SKIC3: variants seen among roughly 807,000 people sequenced by gnomAD.
The protein encoded by SKIC3 is superkiller complex protein 3.
the SKIC3 span, among the ~76,000 whole-genome samples, chr5:95,488,331 T>A: frequency 6.6e-6 from 1 of 152,160 alleles, no homozygotes; most frequent in African/African-American, 2.4e-5. Context: ...TGAGGAGGCT[T>A]AGAGATGCAC....
At chr5:95,553,963 T>C in the SKIC3 span, among the ~76,000 whole-genome samples, 7 of 152,218 alleles carry the variant, frequency 4.6e-5, no homozygotes, top group African/African-American at 1.4e-4. Context: ...ATTTAGTGAG[T>C]TACGGCACAG....
chr5:95,519,582 C>A, the SKIC3 span, among the ~76,000 whole-genome samples: 4 of 151,752 alleles, frequency 2.6e-5, no homozygotes, highest in South Asian at 6.3e-4. Flanking sequence ...GTGAAACAGG[C>A]GATTTTAAGA....
chr5:95,539,095 C>T, the SKIC3 span, among the ~76,000 whole-genome samples: 3 of 152,134 alleles, frequency 2.0e-5, no homozygotes, highest in Non-Finnish European at 4.4e-5. Flanking sequence ...TCTAGAAGAG[C>T]CTCTGTGAAT....
At chr5:95,525,114 G>A in the SKIC3 span, among the ~76,000 whole-genome samples, 9 of 151,996 alleles carry the variant, frequency 5.9e-5, no homozygotes, top group South Asian at 2.1e-4. Context: ...GAATTCCTGC[G>A]CTCAAGAGAT....
At chr5:95,548,274 T>C in the SKIC3 span, among the ~76,000 whole-genome samples, 1 of 152,004 alleles carries the variant, frequency 6.6e-6, no homozygotes, top group African/African-American at 2.4e-5. Context: ...AAAAGATGAA[T>C]CACTGACATG....
At chr5:95,495,095 T>C in the SKIC3 span, 2 of 1,402,250 alleles carry the variant, frequency 1.4e-6, no homozygotes, top group Non-Finnish European at 2.0e-6. Context: ...TGATAAGACC[T>C]TTCCACTAAA....
the SKIC3 span, among the ~76,000 whole-genome samples, chr5:95,508,098 C>T: frequency 6.6e-6 from 1 of 152,104 alleles, no homozygotes; most frequent in Non-Finnish European, 1.5e-5. Context: ...ATACTTCTTT[C>T]CATACACACC....
At chr5:95,524,175 AACTT>A in the SKIC3 span, among the ~76,000 whole-genome samples, 1 of 152,224 alleles carries the variant, frequency 6.6e-6, no homozygotes, top group Non-Finnish European at 1.5e-5. Context: ...TTAAACATCT[AACTT>A]GTATGCTCAT....
the SKIC3 span, among the ~76,000 whole-genome samples, chr5:95,496,436 G>A: frequency 1.2e-4 from 19 of 152,218 alleles, no homozygotes; most frequent in African/African-American, 4.1e-4. Context: ...AGAATAAGCT[G>A]AGACCCCAAC....
chr5:95,509,794 C>T, the SKIC3 span: 4 of 755,882 alleles, frequency 5.3e-6, no homozygotes, highest in East Asian at 1.1e-4. Context: ...CTCTTGAGAT[C>T]ACTCACACTG....
At chr5:95,469,450 G>A in the SKIC3 span, among the ~76,000 whole-genome samples, 47 of 152,026 alleles carry the variant, frequency 3.1e-4, no homozygotes, top group African/African-American at 1.1e-3. Context: ...TTTGTTTCTA[G>A]AACCCACATC....
chr5:95,498,186 C>A, the SKIC3 span, among the ~76,000 whole-genome samples: 1 of 152,094 alleles, frequency 6.6e-6, no homozygotes, highest in Non-Finnish European at 1.5e-5. Flanking sequence ...TAAAAAAACA[C>A]AATCCTTATA....
the SKIC3 span, among the ~76,000 whole-genome samples, chr5:95,476,299 A>G: frequency 6.6e-6 from 1 of 151,814 alleles, no homozygotes; most frequent in Non-Finnish European, 1.5e-5. Context: ...TTCAGGTTAT[A>G]CTGGAGGATT....
the SKIC3 span, chr5:95,541,921 A>G: frequency 6.5e-7 from 1 of 1,532,476 alleles, no homozygotes; most frequent in Non-Finnish European, 9.0e-7. Flanking sequence ...AAGAAGAAGT[A>G]CTCATGATTA....
chr5:95,470,219 C>T, the SKIC3 span, among the ~76,000 whole-genome samples: 54 of 152,194 alleles, frequency 3.5e-4, no homozygotes, highest in Middle Eastern at 3.4e-3. Flanking sequence ...ACCTCGTGAT[C>T]CGCCCACCTC....
At chr5:95,527,960 C>T in the SKIC3 span, 1 of 1,606,048 alleles carries the variant, frequency 6.2e-7, no homozygotes, top group Non-Finnish European at 8.5e-7. Flanking sequence ...ATGGTTGTTG[C>T]CTGGTTGATT....
At chr5:95,512,174 G>A in the SKIC3 span, among the ~76,000 whole-genome samples, 843 of 152,224 alleles carry the variant, frequency 5.5e-3, 9 homozygotes, top group Non-Finnish European at 8.7e-3. Flanking sequence ...AAGGCAAAGC[G>A]AGAACAGCAG....
At chr5:95,519,287 G>A in the SKIC3 span, among the ~76,000 whole-genome samples, 726 of 151,792 alleles carry the variant, frequency 4.8e-3, 3 homozygotes, top group African/African-American at 0.016. Flanking sequence ...ATAACACATG[G>A]CAATTTCATT....
chr5:95,540,460 T>TA, the SKIC3 span, among the ~76,000 whole-genome samples: 2,214 of 145,534 alleles, frequency 0.015, 44 homozygotes, highest in African/African-American at 0.045. Context: ...AATTAAAAAT[T>TA]AAAAAAAAAA....
Sources: gnomAD v4.1 joint callset for allele counts (sites outside exome capture counted in the v4.1 genomes callset) on GRCh38, gnomAD v4.1.1 for gene constraint, MANE v1.5 for transcripts, NCBI Gene and HGNC (gene_info 2026-07-23, HGNC 2026-07-21) for gene names.